PPARGC1A: variants seen among roughly 807,000 people sequenced by gnomAD.
PPARGC1A encodes peroxisome proliferator-activated receptor gamma coactivator 1-alpha.
Under a neutral mutation model 88.7 loss-of-function variants are expected in PPARGC1A, and 25 were observed. That is an observed-to-expected ratio of 0.28 (90% CI 0.21 to 0.39). PPARGC1A has a LOEUF of 0.39. Ranked by LOEUF, PPARGC1A falls within the 10% of genes least tolerant of loss-of-function variation. The pLI, the probability that PPARGC1A is intolerant of heterozygous loss-of-function variation, is 1.00. For missense variants in PPARGC1A, 880 were observed against 968.7 expected, an observed-to-expected ratio of 0.91 and a Z score of 1.22; for synonymous variants, 363 against 355.6, an observed-to-expected ratio of 1.02 and a Z score of -0.24.
At chr4:24,220,824 C>A in the PPARGC1A span, among the ~76,000 whole-genome samples, 2,986 of 152,194 alleles carry the variant, frequency 0.02, 118 homozygotes, top group African/African-American at 0.068. Context: ...CAGCATTACA[C>A]AATATACCCA....
At chr4:24,124,198 T>G in the PPARGC1A span, among the ~76,000 whole-genome samples, 1 of 151,670 alleles carries the variant, frequency 6.6e-6, no homozygotes, top group African/African-American at 2.4e-5. Flanking sequence ...AATGTCGAGG[T>G]TTCACAGCAG....
At chr4:24,045,076 T>C in the PPARGC1A span, among the ~76,000 whole-genome samples, 1 of 152,060 alleles carries the variant, frequency 6.6e-6, no homozygotes, top group African/African-American at 2.4e-5. Flanking sequence ...AGAGCCTACA[T>C]CCTAATTCTT....
At chr4:23,879,199 C>A (rs189607580) in intron 2 of PPARGC1A, among the ~76,000 whole-genome samples, 6 of 152,102 alleles carry the variant, frequency 3.9e-5, no homozygotes, top group Admixed American at 3.9e-4. Context: ...TTCTTTTTTT[C>A]TTGTCTATTT....
chr4:23,982,251 A>G, the PPARGC1A span, among the ~76,000 whole-genome samples: 1 of 152,204 alleles, frequency 6.6e-6, no homozygotes, highest in Non-Finnish European at 1.5e-5. Context: ...TTTGTTTCAC[A>G]TAACAGTTCA....
At chr4:23,877,454 C>A (rs1427479219) in intron 2 of PPARGC1A, among the ~76,000 whole-genome samples, 2 of 135,330 alleles carry the variant, frequency 1.5e-5, no homozygotes, top group Non-Finnish European at 3.1e-5. Context: ...AGGAGAATGG[C>A]GTGAACCCAG....
chr4:24,405,886 C>T, the PPARGC1A span, among the ~76,000 whole-genome samples: 1 of 151,806 alleles, frequency 6.6e-6, no homozygotes. Flanking sequence ...TTCTGTCTTC[C>T]TCCTTTCCTT....
chr4:24,462,346 C>T, the PPARGC1A span, among the ~76,000 whole-genome samples: 1 of 151,952 alleles, frequency 6.6e-6, no homozygotes, highest in Non-Finnish European at 1.5e-5. Context: ...ATCCACCCAC[C>T]TCAGCCTCCC....
At chr4:24,169,822 G>A in the PPARGC1A span, among the ~76,000 whole-genome samples, 4 of 152,094 alleles carry the variant, frequency 2.6e-5, no homozygotes, top group South Asian at 4.1e-4. Context: ...GGGTGACAGA[G>A]TGACACTCTG....
At chr4:23,944,211 A>T in the PPARGC1A span, among the ~76,000 whole-genome samples, 1 of 152,232 alleles carries the variant, frequency 6.6e-6, no homozygotes, top group Non-Finnish European at 1.5e-5. Flanking sequence ...AATTCTCTGT[A>T]CTTTCTTAAC....
chr4:24,067,848 G>T, the PPARGC1A span, among the ~76,000 whole-genome samples: 1 of 152,190 alleles, frequency 6.6e-6, no homozygotes, highest in Non-Finnish European at 1.5e-5. Context: ...CAAAGTAACT[G>T]TGGAGGCCGA....
chr4:24,092,648 T>A, the PPARGC1A span, among the ~76,000 whole-genome samples: 3 of 152,340 alleles, frequency 2.0e-5, no homozygotes, highest in African/African-American at 7.2e-5. Flanking sequence ...AATGAATTGA[T>A]ATCCTTCTCC....
chr4:24,391,443 GA>G, the PPARGC1A span, among the ~76,000 whole-genome samples: 1,543 of 152,156 alleles, frequency 0.01, 26 homozygotes, highest in African/African-American at 0.035. Context: ...CTCCCCAACT[GA>G]AAAAGGCTTT....
At chr4:24,259,125 A>C in the PPARGC1A span, among the ~76,000 whole-genome samples, 1 of 152,178 alleles carries the variant, frequency 6.6e-6, no homozygotes, top group African/African-American at 2.4e-5. Flanking sequence ...TATTCCAAAA[A>C]AAGGATGAGT....
At chr4:23,855,331 T>A (rs1239153319) in intron 2 of PPARGC1A, among the ~76,000 whole-genome samples, 1 of 152,232 alleles carries the variant, frequency 6.6e-6, no homozygotes, top group East Asian at 1.9e-4. Flanking sequence ...ATCTGGCTTT[T>A]ACCACTCAAG....
chr4:23,870,413 C>T (rs1358594984), intron 2 of PPARGC1A, among the ~76,000 whole-genome samples: 2 of 152,292 alleles, frequency 1.3e-5, no homozygotes, highest in East Asian at 3.9e-4. Flanking sequence ...TAAAAGGCCC[C>T]AGACTGTCAT....
chr4:24,037,472 C>A, the PPARGC1A span, among the ~76,000 whole-genome samples: 4 of 152,172 alleles, frequency 2.6e-5, no homozygotes, highest in Admixed American at 2.6e-4. Context: ...AGAAAGGCCA[C>A]AAGATCTTTT....
chr4:24,389,425 G>A, the PPARGC1A span, among the ~76,000 whole-genome samples: 2 of 152,162 alleles, frequency 1.3e-5, no homozygotes, highest in African/African-American at 2.4e-5. Context: ...TTAGCTTAGA[G>A]ACCCTCAATG....
At chr4:24,357,681 C>T in the PPARGC1A span, among the ~76,000 whole-genome samples, 1 of 152,142 alleles carries the variant, frequency 6.6e-6, no homozygotes, top group African/African-American at 2.4e-5. Context: ...GTGGGAGAGA[C>T]CCGGTGGGAG....
chr4:24,138,057 C>T, the PPARGC1A span, among the ~76,000 whole-genome samples: 1 of 152,182 alleles, frequency 6.6e-6, no homozygotes. Context: ...GGCCAGGTCA[C>T]GTGAGCATAG....
Sources: allele counts gnomAD v4.1 joint callset (sites outside exome capture counted in the v4.1 genomes callset), GRCh38; gene constraint gnomAD v4.1.1; transcripts MANE v1.5; gene names NCBI Gene and HGNC (gene_info 2026-07-23, HGNC 2026-07-21).